CENPE: variants seen among roughly 807,000 people sequenced by gnomAD.
The protein encoded by CENPE is centromere protein E.
Under a neutral mutation model 336.1 loss-of-function variants are expected in CENPE, and 145 were observed. That is an observed-to-expected ratio of 0.43 (90% CI 0.38 to 0.50). CENPE has a LOEUF of 0.50. Ranked by LOEUF, CENPE falls within the 20% of genes least tolerant of loss-of-function variation. CENPE has a pLI of 0.00. For missense variants in CENPE, 2,719 were observed against 3,023.3 expected (o/e 0.90, Z 2.36); for synonymous variants, 1,013 against 984.8 (o/e 1.03, Z -0.54).
At chr4:103,168,309 A>G (rs72665083) in intron 16 of CENPE, among the ~76,000 whole-genome samples, 2,348 of 152,262 alleles carry the variant, frequency 0.015, 32 homozygotes, top group Non-Finnish European at 0.023. Flanking sequence ...GACAGGTTTC[A>G]TGCATCTTTC....
chr4:103,131,359 T>C (rs973792684), intron 42 of CENPE, among the ~76,000 whole-genome samples: 1 of 152,164 alleles, frequency 6.6e-6, no homozygotes, highest in Non-Finnish European at 1.5e-5. Flanking sequence ...CATATGTTAT[T>C]AGAGAATTGC....
At chr4:103,114,686 C>T (rs1015252300) in intron 45 of CENPE, 134 bp from the exon 46 acceptor site, 2 of 621,110 alleles carry the variant, frequency 3.2e-6, no homozygotes, top group South Asian at 2.0e-5. Context: ...GATAAGCCCT[C>T]GTGATACCTC....
At chr4:103,151,459 A>C (rs1753565267) in intron 25 of CENPE, 82 bp from the exon 26 acceptor site, 2 of 1,045,474 alleles carry the variant, frequency 1.9e-6, no homozygotes, top group South Asian at 4.1e-5. Flanking sequence ...CATTTCTCTC[A>C]GTCTGCAAAT....
At chr4:103,180,606 C>G (rs1213813090) in intron 12 of CENPE, 137 bp from the exon 13 acceptor site, 6 of 570,486 alleles carry the variant, frequency 1.1e-5, no homozygotes, top group Non-Finnish European at 1.7e-5. Flanking sequence ...AAAATATACT[C>G]TAACTGTAGA....
rs1391888606 is a variant in CENPE at position 103,122,898 on chromosome 4, T to C, written c.7116A>G (p.Thr2372=). 4.3e-6 allele frequency: 7 copies of C among 1,613,456 alleles called. No individual in the cohort carries two copies. The highest frequency in any genetic ancestry group is 5.9e-6 in the Non-Finnish European group (7 of 1,179,386). Residue 2372 remains threonine (T), a synonymous_variant, in exon 43 of 49, where the codon ACA becomes ACG. Transcript: ENST00000265148. The stretch of plus-strand genomic sequence containing the variant: ...CTGTGGTTAACTGTGTAGCTCTTGA[T>C]GTAACATGAGGATTCTTATTGTCTT... ...TTQDNKNPHV[T]SRATQLTTEK... is the part of the protein sequence containing the mutation.
rs758497489 is a variant in CENPE at position 103,144,469 on chromosome 4, C to T, written c.5007G>A (p.Arg1669=). 9 of 1,614,084 alleles carry T rather than the reference C, an allele frequency of 5.6e-6. No individual in the cohort carries two copies. In the South Asian group the frequency reaches 9.9e-5, roughly 18 times the overall value. The change falls in exon 33 of 49, where the codon AGG becomes AGA. Residue 1669 remains arginine (R), a synonymous_variant. Transcript: ENST00000265148. ...NLENIETENI[R]LTQILHENLE... ...GGTTTTCATGTAGTATCTGAGTCAACCTTATATTCTCCGTTTCTATGTTTT... is the reference window on the plus strand; with the variant it reads ...GGTTTTCATGTAGTATCTGAGTCAATCTTATATTCTCCGTTTCTATGTTTT...
Position 103,142,982 on chromosome 4 carries a change from C to T in CENPE, c.5304+266G>A, listed in dbSNP as rs72665063. On this transcript the variant is annotated intron_variant, in intron 34 of 48. Transcript: ENST00000265148. Reference sequence around the variant, plus strand: ...CGAGATCATGCCGTTGCACTCCAGGCGACAGAGCGAGACTCTGTCTCAAAA... The same window carrying T: ...CGAGATCATGCCGTTGCACTCCAGGTGACAGAGCGAGACTCTGTCTCAAAA... Among the ~76,000 whole-genome samples the T allele has an allele frequency of 0.16, 20,721 of 126,766 alleles. 1,805 individuals carry two copies. Among genetic ancestry groups the T allele is most frequent in the Middle Eastern group, 0.37 (80 of 214 alleles). The allele number at this position is 126,766 out of a possible 152,430, so 83.2% of individuals were successfully genotyped here. A position where few individuals can be genotyped will look rare whatever the true frequency, so the allele number is the denominator to read the frequency against.
chr4:103,122,223 A>T (rs186092746), intron 43 of CENPE, among the ~76,000 whole-genome samples: 1 of 152,298 alleles, frequency 6.6e-6, no homozygotes, highest in East Asian at 1.9e-4. Flanking sequence ...ATGTTTTATT[A>T]TAAGTATTTA....
At chr4:103,151,738 T>C (rs1753589097) in intron 25 of CENPE, among the ~76,000 whole-genome samples, 1 of 152,174 alleles carries the variant, frequency 6.6e-6, no homozygotes. Flanking sequence ...TGGGATGGCT[T>C]TGGTTTTAGC....
At chr4:103,131,967 G>A (rs575594775) in intron 42 of CENPE, among the ~76,000 whole-genome samples, 25 of 152,250 alleles carry the variant, frequency 1.6e-4, no homozygotes, top group African/African-American at 5.8e-4. Context: ...AATACAGGTG[G>A]AACCCAGGGA....
chr4:103,167,267 A>G (rs2125989342), intron 16 of CENPE, among the ~76,000 whole-genome samples: 2 of 152,258 alleles, frequency 1.3e-5, no homozygotes, highest in Middle Eastern at 6.8e-3. Context: ...GGTAGCATTT[A>G]TATATGCTCA....
chr4:103,112,406 CAT>C (rs1254188580), intron 46 of CENPE, among the ~76,000 whole-genome samples: 1 of 139,244 alleles, frequency 7.2e-6, no homozygotes, highest in Non-Finnish European at 1.6e-5. Context: ...TATACACTTA[CAT>C]ATATATGTAT....
chr4:103,174,913 AC>A lies in CENPE; in HGVS notation c.1480-11del. ...CACTTTCTATATTCTCCTATTATAA[AC>A]AAGAACAGATTTTCCAATCAGAAAA... is the stretch of plus-strand genomic sequence containing the variant. On this transcript the variant is annotated splice_polypyrimidine_tract_variant and intron_variant, in intron 15 of 48. Coordinates refer to ENST00000265148, the MANE Select transcript of CENPE (RefSeq NM_001813.3). 1 of 1,416,316 alleles carries A rather than the reference AC, an allele frequency of 7.1e-7. No individual in the cohort carries two copies. 87.7% of individuals were successfully genotyped at this position (1,416,316 alleles called of 1,614,324 possible). A position where few individuals can be genotyped will look rare whatever the true frequency, so the allele number is the denominator to read the frequency against.
At chr4:103,112,782 GTA>G (rs1253914808) in intron 46 of CENPE, among the ~76,000 whole-genome samples, 2 of 74,922 alleles carry the variant, frequency 2.7e-5, no homozygotes, top group Non-Finnish European at 4.7e-5. Context: ...GTATATAAGT[GTA>G]TATATATACT....
intron 16 of CENPE, among the ~76,000 whole-genome samples, 173 bp downstream of exon 16, chr4:103,174,563 T>C (rs1755692102): frequency 6.6e-6 from 1 of 151,988 alleles, no homozygotes; most frequent in Non-Finnish European, 1.5e-5. Context: ...GATTTAACCA[T>C]TCCACAATGT....
At chr4:103,174,941 T>C (rs1455588928) in intron 15 of CENPE, 38 bp from the exon 16 acceptor site, 1 of 1,250,548 alleles carries the variant, frequency 8.0e-7, no homozygotes, top group Non-Finnish European at 1.1e-6. Flanking sequence ...ATCAGAAAAT[T>C]CAAATATTTT....
chr4:103,143,828 C>T (rs1339515146), intron 33 of CENPE, among the ~76,000 whole-genome samples: 1 of 152,198 alleles, frequency 6.6e-6, no homozygotes, highest in East Asian at 1.9e-4. Flanking sequence ...TACAACTGGA[C>T]TTGTGGATCA....
chr4:103,109,024 T>C lies in CENPE; in HGVS notation c.7790A>G (p.His2597Arg). The change falls in exon 48 of 49, where the codon CAC becomes CGC. Residue 2597 changes from histidine to arginine, a missense_variant. Transcript: ENST00000265148. Reference sequence around the variant, plus strand: ...AGAATTCTCACAAGTTACTTGTTTGTGAGCCTCTCTTTTAAGGGTTCTTTC... The same window carrying C: ...AGAATTCTCACAAGTTACTTGTTTGCGAGCCTCTCTTTTAAGGGTTCTTTC... ...WKERTLKREA[H>R]KQVTCENSPK... 1 of 1,613,840 alleles carries C rather than the reference T, an allele frequency of 6.2e-7. No homozygotes were observed. Among genetic ancestry groups the C allele is most frequent in the South Asian group, 1.1e-5 (1 of 91,066 alleles).
At chr4:103,173,625 A>ATATATTTGC (rs1755606482) in intron 16 of CENPE, among the ~76,000 whole-genome samples, 1 of 152,100 alleles carries the variant, frequency 6.6e-6, no homozygotes, top group Non-Finnish European at 1.5e-5. Flanking sequence ...AATATTTGCA[A>ATATATTTGC]AATATACATC....
Sources: gnomAD v4.1 joint callset for allele counts (sites outside exome capture counted in the v4.1 genomes callset) on GRCh38, gnomAD v4.1.1 for gene constraint, MANE v1.5 for transcripts, NCBI Gene and HGNC (gene_info 2026-07-23, HGNC 2026-07-21) for gene names.